EBF3: variants seen among roughly 807,000 people sequenced by gnomAD.
EBF3 encodes EBF transcription factor 3.
A neutral mutation model predicts 77.1 loss-of-function variants in EBF3; 18 were observed. The ratio of observed to expected loss-of-function variants is 0.23; its 90% CI spans 0.16 to 0.35. EBF3 has a LOEUF of 0.35. Among genes scored for constraint, EBF3 ranks in the 10% least tolerant of loss-of-function variants. EBF3 has a pLI of 1.00. For synonymous variants in EBF3, 350 were observed against 343.5 expected (o/e 1.02, Z -0.21); for missense variants, 558 against 860.0 (o/e 0.65, Z 4.39).
In EBF3 at chr10:129,943,511, T is replaced by C. The variant is rs1259949918; in HGVS notation, c.554+13747A>G. ...AAACTTCTGGAGGTTAGAGATTGGA[T>C]AATTTCTTTCAGCTGGACCTGGCCT... On this transcript the variant is annotated intron_variant, in intron 6 of 16. Coordinates refer to ENST00000440978, the MANE Select transcript of EBF3 (RefSeq NM_001375380.1). The surrounding 1 kb of genome is among the most constrained non-coding windows in gnomAD (Gnocchi z 8.8). 6.6e-6 allele frequency among the ~76,000 whole-genome samples: 1 copy of C among 152,164 alleles called. No individual in the cohort carries two copies. The highest frequency in any genetic ancestry group is 1.5e-5 in the Non-Finnish European group (1 of 68,040).
chr10:129,910,961 T>A (rs961388941), intron 6 of EBF3, among the ~76,000 whole-genome samples: 1 of 152,142 alleles, frequency 6.6e-6, no homozygotes, highest in Admixed American at 6.5e-5. Flanking sequence ...ATGAAACGAT[T>A]TACCCACACA....
chr10:129,957,440 A>G, intron 5 of EBF3, 114 bp from the exon 6 acceptor site: 2 of 830,844 alleles, frequency 2.4e-6, no homozygotes, highest in Non-Finnish European at 3.8e-6. Flanking sequence ...TCAACTACCA[A>G]GGCAGTTTGG....
chr10:129,847,347 G>A (rs1171224377), intron 11 of EBF3, among the ~76,000 whole-genome samples: 1 of 152,124 alleles, frequency 6.6e-6, no homozygotes, highest in African/African-American at 2.4e-5. Context: ...TGCAGGCCTC[G>A]ATTCTTCCCG....
intron 15 of EBF3, 73 bp downstream of exon 15, chr10:129,840,172 G>GCCCCCC: frequency 2.1e-6 from 3 of 1,456,156 alleles, no homozygotes; most frequent in Non-Finnish European, 2.8e-6. Flanking sequence ...GAAAGGCCGA[G>GCCCCCC]CCCCCACCCC....
chr10:129,867,288 A>G, intron 9 of EBF3, 21 bp from the exon 10 acceptor site: 1 of 1,613,594 alleles, frequency 6.2e-7, no homozygotes, highest in Non-Finnish European at 8.5e-7. Flanking sequence ...CACACGGTGA[A>G]CAGGCGCTCA....
chr10:129,889,086 A>G (rs1853824759), intron 6 of EBF3, among the ~76,000 whole-genome samples: 1 of 152,202 alleles, frequency 6.6e-6, no homozygotes, highest in Non-Finnish European at 1.5e-5. Flanking sequence ...GCAGCTGTCC[A>G]CAAGGCAGCC....
At chr10:129,898,685 GTTTA>G (rs892356459) in intron 6 of EBF3, among the ~76,000 whole-genome samples, 11 of 152,356 alleles carry the variant, frequency 7.2e-5, no homozygotes, top group Non-Finnish European at 1.2e-4. Context: ...GTTTCTGTCA[GTTTA>G]TTTATCTCTG....
intron 6 of EBF3, among the ~76,000 whole-genome samples, chr10:129,946,976 C>T (rs1003127726): frequency 5.9e-5 from 9 of 152,206 alleles, no homozygotes; most frequent in African/African-American, 2.2e-4. Context: ...GGGGACCTGG[C>T]AGCCCATGTC....
chr10:129,875,187 C>CTTTTTTTTTTTTTTTTTTTTTTTT (rs1193539598), intron 7 of EBF3, among the ~76,000 whole-genome samples: 1 of 92,938 alleles, frequency 1.1e-5, no homozygotes, highest in African/African-American at 4.1e-5. Flanking sequence ...ATGGCTTCTT[C>CTTTTTTTTTTTTTTTTTTTTTTTT]TTTTTTTTTT....
At chr10:129,936,529 T>C (rs950275972) in intron 6 of EBF3, among the ~76,000 whole-genome samples, 1 of 151,608 alleles carries the variant, frequency 6.6e-6, no homozygotes, top group Admixed American at 6.6e-5. Flanking sequence ...CCCTCAGCTG[T>C]GTGGGGAACC....
intron 10 of EBF3, among the ~76,000 whole-genome samples, chr10:129,852,967 C>T (rs1217179600): frequency 2.0e-5 from 3 of 152,182 alleles, no homozygotes; most frequent in East Asian, 1.9e-4. Flanking sequence ...GCGTTGAGGT[C>T]CCCCCAAGGC....
In EBF3 at chr10:129,939,588, C is replaced by T. The variant is rs767548102; in HGVS notation, c.554+17670G>A. 1.1e-4 allele frequency among the ~76,000 whole-genome samples: 16 copies of T among 152,306 alleles called. 1 individual carries two copies. The highest frequency in any genetic ancestry group is 2.6e-4 in the African/African-American group (11 of 41,558). Reference sequence around the variant, plus strand: ...GGAAACAGTTCAAGGGAAATTCAAACGACAGCTGCCCACTCTGCCACAACG... The same window carrying T: ...GGAAACAGTTCAAGGGAAATTCAAATGACAGCTGCCCACTCTGCCACAACG... On this transcript the variant is annotated intron_variant, in intron 6 of 16. Transcript: ENST00000440978.
chr10:129,916,060 G>C (rs1171459192), intron 6 of EBF3, among the ~76,000 whole-genome samples: 4 of 152,250 alleles, frequency 2.6e-5, no homozygotes, highest in Non-Finnish European at 5.9e-5. Flanking sequence ...CAGGGGCTCC[G>C]AGGGGGAAGG....
chr10:129,960,273 C>A (rs1354500362), intron 4 of EBF3, among the ~76,000 whole-genome samples: 2 of 152,086 alleles, frequency 1.3e-5, no homozygotes, highest in East Asian at 3.9e-4. Flanking sequence ...CCTCCCCGGG[C>A]ACTTCTGACA....
At chr10:129,926,853 C>A (rs1426454347) in intron 6 of EBF3, among the ~76,000 whole-genome samples, 1 of 152,176 alleles carries the variant, frequency 6.6e-6, no homozygotes, top group Non-Finnish European at 1.5e-5. Flanking sequence ...CTGCCCACCC[C>A]ACGTGGAGGC....
At chr10:129,913,105 C>G (rs763714481) in intron 6 of EBF3, among the ~76,000 whole-genome samples, 1 of 152,246 alleles carries the variant, frequency 6.6e-6, no homozygotes, top group Non-Finnish European at 1.5e-5. Flanking sequence ...GAAAACGCAG[C>G]TTTGTTCGAG....
Position 129,848,427 on chromosome 10 carries a change from G to A in EBF3, c.1093C>T (p.Pro365Ser). Residue 365 changes from proline to serine, a missense_variant, in exon 11 of 17, where the codon CCA (proline) becomes TCA (serine). Pro to Ser is a moderately conservative substitution (Grantham distance 74). Coordinates refer to ENST00000440978, the MANE Select transcript of EBF3 (RefSeq NM_001375380.1). This position sits in a 1 kb window ranked among gnomAD's most constrained non-coding sequence, Gnocchi z 4.4. ...CTTTCGGGATCACCCGGATGTCTTG[G>A]GATCACTTTCTGCAACCTCTGAAAG... ...YGFQRLQKVI[P>S]RHPGDPERLP... is the part of the protein sequence containing the mutation. 2 of 1,614,150 alleles carry A rather than the reference G, an allele frequency of 1.2e-6. No homozygotes were observed. Among genetic ancestry groups the A allele is most frequent in the Non-Finnish European group, 1.7e-6 (2 of 1,180,026 alleles).
chr10:129,835,456 T>C lies in EBF3; in HGVS notation c.*2487A>G, dbSNP rs8217. On this transcript the variant is annotated 3_prime_UTR_variant, in exon 17 of 17. Coordinates refer to ENST00000440978, the MANE Select transcript of EBF3 (RefSeq NM_001375380.1). Reference sequence around the variant, plus strand: ...TTGAGACAGTGAAGTGATGTGGGCATTGACTACTTAACCTAAAACACAAAC... The same window carrying C: ...TTGAGACAGTGAAGTGATGTGGGCACTGACTACTTAACCTAAAACACAAAC... 37,008 of 152,208 alleles carry C rather than the reference T, an allele frequency of 0.24. 5,671 individuals carry two copies. Among genetic ancestry groups the C allele is most frequent in the East Asian group, 0.39 (2,028 of 5,184 alleles). The allele number at this position is 152,208 out of a possible 1,614,324, so 9.4% of individuals were successfully genotyped here. A position where few individuals can be genotyped will look rare whatever the true frequency, so the allele number is the denominator to read the frequency against.
intron 6 of EBF3, among the ~76,000 whole-genome samples, chr10:129,925,294 G>C (rs75806532): frequency 0.09 from 13,673 of 151,734 alleles, 681 homozygotes; most frequent in East Asian, 0.15. Context: ...GGGCTTCAAG[G>C]CGTGGCTGGG....
Sources: gnomAD v4.1 joint callset for allele counts (sites outside exome capture counted in the v4.1 genomes callset) on GRCh38, gnomAD v4.1.1 for gene constraint, Gnocchi (gnomAD v3.1) non-coding constraint, MANE v1.5 for transcripts, NCBI Gene and HGNC (gene_info 2026-07-23, HGNC 2026-07-21) for gene names.